The following MSI2 variants were observed in gnomAD, a reference collection of about 807,000 sequenced individuals.
The protein encoded by MSI2 is musashi RNA binding protein 2, also known as RNA-binding protein Musashi homolog 2.
A neutral mutation model predicts 45.6 loss-of-function variants in MSI2; 17 were observed. The observed-to-expected ratio is 0.37, with a 90% CI of 0.26 to 0.56. The LOEUF (loss-of-function observed/expected upper bound fraction) is 0.56, where lower values mean the gene tolerates loss of function less well. MSI2 is among the 20% of genes least tolerant of loss of function. MSI2 has a pLI of 0.77. For synonymous variants in MSI2, 156 were observed against 158.2 expected (o/e 0.99, Z 0.11); for missense variants, 293 against 444.2 (o/e 0.66, Z 3.06).
chr17:57,514,290 G>T (rs1427660638), intron 6 of MSI2, among the ~76,000 whole-genome samples: 5 of 152,184 alleles, frequency 3.3e-5, no homozygotes, highest in African/African-American at 1.2e-4. Flanking sequence ...TTAGGGTGCA[G>T]CAAATAGTAC....
chr17:57,697,903 A>G, the MSI2 span, among the ~76,000 whole-genome samples: 42 of 152,220 alleles, frequency 2.8e-4, no homozygotes, highest in African/African-American at 1.0e-3. Context: ...GGACACAGCC[A>G]AACCATATCA....
At chr17:57,562,358 A>G (rs1263004981) in intron 7 of MSI2, among the ~76,000 whole-genome samples, 1 of 152,262 alleles carries the variant, frequency 6.6e-6, no homozygotes, top group East Asian at 1.9e-4. Context: ...TTTCATACAC[A>G]GAGGAAGCAT....
At chr17:57,634,505 G>A (rs1041241649) in intron 10 of MSI2, among the ~76,000 whole-genome samples, 7 of 152,026 alleles carry the variant, frequency 4.6e-5, no homozygotes, top group African/African-American at 1.7e-4. Flanking sequence ...TATGCTGTAA[G>A]GGTGCAAGGG....
intron 6 of MSI2, among the ~76,000 whole-genome samples, chr17:57,463,328 C>T (rs1490935881): frequency 1.3e-5 from 2 of 152,102 alleles, no homozygotes; most frequent in Non-Finnish European, 2.9e-5. Context: ...TTTGAAATGA[C>T]TTGAAAAAAA....
intron 5 of MSI2, among the ~76,000 whole-genome samples, chr17:57,385,810 C>A (rs1242292428): frequency 6.6e-6 from 1 of 152,220 alleles, no homozygotes; most frequent in Non-Finnish European, 1.5e-5. Context: ...TGCTGTGGAA[C>A]AAATTACCCT....
Position 57,652,306 on chromosome 17 carries a change from G to A in MSI2, c.790+145G>A. The A allele has an allele frequency of 1.2e-6, 1 of 831,960 alleles. No homozygotes were observed. The highest frequency in any genetic ancestry group is 1.9e-6 in the Non-Finnish European group (1 of 529,316). The allele number at this position is 831,960 out of a possible 1,614,324, so 51.5% of individuals were successfully genotyped here. On this transcript the variant is annotated intron_variant, in intron 11 of 13. Transcript: ENST00000284073. The surrounding 1 kb of genome is among the most constrained non-coding windows in gnomAD (Gnocchi z 4.1). The stretch of plus-strand genomic sequence containing the variant: ...GGGAGGGGGTGGACGGGGAGGGGGT[G>A]GACCGGGAGGCGCGGGCAAGGCCTG...
chr17:57,262,082 A>C, intron 4 of MSI2, 69 bp from the exon 5 acceptor site: 1 of 1,414,016 alleles, frequency 7.1e-7, no homozygotes, highest in Non-Finnish European at 1.0e-6. Context: ...ATTAATAATT[A>C]GGTGATTAAT....
chr17:57,323,441 G>T (rs1309792901), intron 5 of MSI2, among the ~76,000 whole-genome samples: 3 of 152,254 alleles, frequency 2.0e-5, no homozygotes, highest in Non-Finnish European at 4.4e-5. Flanking sequence ...AAATGCGGGG[G>T]TCCGCTGGGC....
At chr17:57,301,958 A>G (rs1433475975) in intron 5 of MSI2, among the ~76,000 whole-genome samples, 3 of 152,072 alleles carry the variant, frequency 2.0e-5, no homozygotes, top group Non-Finnish European at 2.9e-5. Context: ...TTTGTGATAT[A>G]TTGTAGTTTT....
At chr17:57,401,131 T>C (rs1561947) in intron 5 of MSI2, among the ~76,000 whole-genome samples, 149,529 of 152,294 alleles carry the variant, frequency 0.98, 73,460 homozygotes, top group East Asian at 1. Flanking sequence ...GTGTTGTGGC[T>C]AATGAGGTTC....
intron 6 of MSI2, among the ~76,000 whole-genome samples, chr17:57,455,824 G>A (rs990137893): frequency 6.6e-6 from 1 of 152,172 alleles, no homozygotes; most frequent in African/African-American, 2.4e-5. Flanking sequence ...TTGGGAAAAC[G>A]TTGGCTTTGC....
intron 11 of MSI2, among the ~76,000 whole-genome samples, chr17:57,661,545 A>C (rs1172439059): frequency 1.3e-5 from 2 of 152,174 alleles, no homozygotes; most frequent in African/African-American, 4.8e-5. Flanking sequence ...AGCTCCACAA[A>C]GAACAGCCTG....
Position 57,632,444 on chromosome 17 carries a change from G to A in MSI2, c.727+5141G>A, listed in dbSNP as rs375698798. On this transcript the variant is annotated intron_variant, in intron 10 of 13. Transcript: ENST00000284073. ...ACAAGCCTGTCTGTCTTCGAGAAGG[G>A]ACAGTGGAGTCATCCAGGTGCTGCC... The A allele has an allele frequency of 1.6e-4, 170 of 1,066,194 alleles. No individual in the cohort carries two copies. The East Asian group carries it at 8.3e-3, about 52-fold the overall frequency. The allele number at this position is 1,066,194 out of a possible 1,614,324, so 66.0% of individuals were successfully genotyped here.
At chr17:57,306,043 A>C (rs1911855470) in intron 5 of MSI2, among the ~76,000 whole-genome samples, 1 of 152,132 alleles carries the variant, frequency 6.6e-6, no homozygotes, top group African/African-American at 2.4e-5. Context: ...AATAAAACTG[A>C]CAAGGATCCT....
At chr17:57,385,132 G>A (rs962616517) in intron 5 of MSI2, among the ~76,000 whole-genome samples, 2 of 152,088 alleles carry the variant, frequency 1.3e-5, no homozygotes, top group Non-Finnish European at 2.9e-5. Flanking sequence ...GTTCTTACAG[G>A]CTCTATTTTC....
At chr17:57,544,558 G>T (rs1387635759) in intron 7 of MSI2, among the ~76,000 whole-genome samples, 1 of 152,152 alleles carries the variant, frequency 6.6e-6, no homozygotes, top group African/African-American at 2.4e-5. Context: ...AGCAGCTGGG[G>T]TTGTGTTATT....
Position 57,383,808 on chromosome 17 carries a change from C to CAAA in MSI2, c.313-17569_313-17568insAAA, listed in dbSNP as rs2083639675. 2.6e-5 allele frequency among the ~76,000 whole-genome samples: 4 copies of CAAA among 152,294 alleles called. No homozygotes were observed. In the South Asian group the frequency reaches 8.3e-4, roughly 32 times the overall value. ...TTATCATATTTATGGATAAATCTTT[C>CAAA]AATGCCATCAGCAGCGAGGTTTACC... On this transcript the variant is annotated intron_variant, in intron 5 of 13. Coordinates refer to ENST00000284073, the MANE Select transcript of MSI2 (RefSeq NM_138962.4).
intron 5 of MSI2, among the ~76,000 whole-genome samples, chr17:57,375,662 T>C (rs1292057836): frequency 6.6e-6 from 1 of 152,144 alleles, no homozygotes; most frequent in Non-Finnish European, 1.5e-5. Flanking sequence ...CTTCAGGCAG[T>C]GTTATTAAGG....
chr17:57,574,626 T>G (rs2144328341), intron 7 of MSI2, among the ~76,000 whole-genome samples: 1 of 152,264 alleles, frequency 6.6e-6, no homozygotes, highest in Non-Finnish European at 1.5e-5. Flanking sequence ...GGATGTGTCA[T>G]ATGGGGCACA....
Sources: allele counts gnomAD v4.1 joint callset (sites outside exome capture counted in the v4.1 genomes callset), GRCh38; gene constraint gnomAD v4.1.1; non-coding constraint Gnocchi (gnomAD v3.1); transcripts MANE v1.5; gene names NCBI Gene and HGNC (gene_info 2026-07-23, HGNC 2026-07-21).